Variants in PLK2 observed in about 807,000 individuals in gnomAD.
The protein encoded by PLK2 is serine/threonine-protein kinase PLK2.
PLK2 carries 25 observed loss-of-function variants against 78.1 expected under a neutral mutation model. The ratio of observed to expected loss-of-function variants is 0.32; its 90% CI spans 0.23 to 0.45. PLK2 has a LOEUF of 0.45. Among genes scored for constraint, PLK2 ranks in the 20% least tolerant of loss-of-function variants. The pLI is 1.00. For synonymous variants in PLK2, 332 were observed against 298.2 expected (o/e 1.11, Z -1.17); for missense variants, 566 against 840.2 (o/e 0.67, Z 4.04).
rs1579964675 is a variant in PLK2, at chr5:58,457,052, G to A, written c.1049C>T (p.Thr350Ile). 1 of 1,613,710 alleles carries A rather than the reference G, an allele frequency of 6.2e-7. No individual in the cohort carries two copies. The highest frequency in any genetic ancestry group is 1.3e-5 in the African/African-American group (1 of 75,000). ...GCTTGATAAGTGGAAATCTGGAACT[G>A]TATGACAACAGCTAGAAGACAGTCT... ...PDRLSSSCCH[T>I]VPDFHLSSPA... Residue 350 changes from threonine (T) to isoleucine (I), a missense_variant, in exon 8 of 14, where the codon ACA becomes ATA. This residue lies in a region of PLK2 where 179 missense variants were observed against 342.3 expected (regional missense o/e 0.52). Transcript: ENST00000274289.
At chr5:58,459,659 G>T (rs1015667132) in intron 1 of PLK2, 31 bp downstream of exon 1, 2 of 1,519,540 alleles carry the variant, frequency 1.3e-6, no homozygotes, top group Non-Finnish European at 1.8e-6. Flanking sequence ...CCTCCCGCCC[G>T]CCCGGCAGCC....
At position 58,457,521 on chromosome 5, in the gene PLK2, C is replaced by T; in HGVS notation, c.776G>A (p.Cys259Tyr). 3.1e-6 allele frequency: 5 copies of T among 1,613,280 alleles called. No homozygotes were observed. Among genetic ancestry groups the T allele is most frequent in the Non-Finnish European group, 4.2e-6 (5 of 1,179,186 alleles). ...GCCCAGGGCCCAAATGTCTGATTCA[C>T]AGCCATGTCCTTGTTTGTTGAGGAC... ...PEVLNKQGHG[C>Y]ESDIWALGCV... Residue 259 changes from cysteine (C) to tyrosine (Y), a missense_variant, in exon 6 of 14, where the codon TGT becomes TAT. By Grantham distance (194) the Cys-to-Tyr change is radical. This residue lies in a region of PLK2 where 179 missense variants were observed against 342.3 expected (regional missense o/e 0.52). Transcript: ENST00000274289.
chr5:58,457,711 G>A lies in PLK2; in HGVS notation c.714-128C>T, dbSNP rs1743647115. 1.3e-5 allele frequency: 8 copies of A among 630,276 alleles called. No individual in the cohort carries two copies. In the South Asian group the frequency reaches 1.5e-4, roughly 12 times the overall value. 39.0% of individuals were successfully genotyped at this position (630,276 alleles called of 1,614,324 possible). On this transcript the variant is annotated intron_variant, in intron 5 of 13. Transcript: ENST00000274289. ...TAAAATCTATACTGAATTTCTATTT[G>A]GAAACATTTGACTTTTGGCATCTGA...
rs1743701697 is a variant in PLK2, at chr5:58,459,633, G to T, written c.270+57C>A. 5 of 1,435,990 alleles carry T rather than the reference G, an allele frequency of 3.5e-6. No individual in the cohort carries two copies. The East Asian group carries it at 1.2e-4, about 35-fold the overall frequency. 89.0% of individuals were successfully genotyped at this position (1,435,990 alleles called of 1,614,324 possible). A position where few individuals can be genotyped will look rare whatever the true frequency, so the allele number is the denominator to read the frequency against. On this transcript the variant is annotated intron_variant, in intron 1 of 13. Transcript: ENST00000274289. The stretch of plus-strand genomic sequence containing the variant: ...GGACCCCGCGGGCTTGCCCGGCTTG[G>T]GGTCGCCCGGACAGACCTCCCGCCC...
In PLK2 at chr5:58,455,430, C is replaced by G. The variant is rs376952003; in HGVS notation, c.1626-16G>C. On this transcript the variant is annotated splice_polypyrimidine_tract_variant and intron_variant, in intron 11 of 13. Coordinates refer to ENST00000274289, the MANE Select transcript of PLK2 (RefSeq NM_006622.4). Reference sequence around the variant, plus strand: ...GTGAACTGTTCTATAAAAACAGGAACGAAAGGGAGAGAAGAGGAAAAAAAA... The same window carrying G: ...GTGAACTGTTCTATAAAAACAGGAAGGAAAGGGAGAGAAGAGGAAAAAAAA... 27 of 1,612,268 alleles carry G rather than the reference C, an allele frequency of 1.7e-5. 1 individual carries two copies. The South Asian group carries it at 3.0e-4, about 18-fold the overall frequency.
rs1171275494 is a variant in PLK2 at position 58,458,972 on chromosome 5, G to A, written c.378+13C>T. Reference sequence around the variant, plus strand: ...CACACAAAGAAAATACTTTACTCAAGAGTCATACGCACCTTTTCCCTTTGA... The same window carrying A: ...CACACAAAGAAAATACTTTACTCAAAAGTCATACGCACCTTTTCCCTTTGA... On this transcript the variant is annotated intron_variant, in intron 2 of 13. Coordinates refer to ENST00000274289, the MANE Select transcript of PLK2 (RefSeq NM_006622.4). The A allele has an allele frequency of 1.3e-6, 2 of 1,482,286 alleles. No individual in the cohort carries two copies. The highest frequency in any genetic ancestry group is 1.1e-5 in the South Asian group (1 of 88,296). 91.8% of individuals were successfully genotyped at this position (1,482,286 alleles called of 1,614,324 possible).
Position 58,457,203 on chromosome 5 carries a change from A to C in PLK2, c.986T>G (p.Ile329Ser). ...PEDRPSLDDIIRHDFFLQGFT... is the reference protein window; with the variant it reads ...PEDRPSLDDISRHDFFLQGFT... ...AACCTGCAAAAAAAAGTCATGTCGA[A>C]TGATGTCATCCAAACTGGGACGATC... The change falls in exon 7 of 14, where the codon ATT (isoleucine) becomes AGT (serine). Residue 329 changes from isoleucine (I) to serine (S), a missense_variant. By Grantham distance (142) the Ile-to-Ser change is moderately radical. Around this residue, in one of 5 missense-constraint regions of PLK2, gnomAD observed 179 missense variants for 342.3 expected, o/e 0.52. Coordinates refer to ENST00000274289, the MANE Select transcript of PLK2 (RefSeq NM_006622.4). The C allele has an allele frequency of 6.2e-7, 1 of 1,614,216 alleles. No individual in the cohort carries two copies. Among genetic ancestry groups the C allele is most frequent in the Non-Finnish European group, 8.5e-7 (1 of 1,180,046 alleles).
chr5:58,460,070 C>G lies in PLK2; in HGVS notation c.-111G>C. 1 of 1,278,092 alleles carries G rather than the reference C, an allele frequency of 7.8e-7. No individual in the cohort carries two copies. Among genetic ancestry groups the G allele is most frequent in the Non-Finnish European group, 1.1e-6 (1 of 938,720 alleles). 79.2% of individuals were successfully genotyped at this position (1,278,092 alleles called of 1,614,324 possible). Reference sequence around the variant, plus strand: ...CTCTGGTGCCGACTAGCACCCAACACCCCGGTCCACTTGTGCGAGTGAGAG... The same window carrying G: ...CTCTGGTGCCGACTAGCACCCAACAGCCCGGTCCACTTGTGCGAGTGAGAG... On this transcript the variant is annotated 5_prime_UTR_variant, in exon 1 of 14. Coordinates refer to ENST00000274289, the MANE Select transcript of PLK2 (RefSeq NM_006622.4).
intron 12 of PLK2, 53 bp downstream of exon 12, chr5:58,455,232 C>T: frequency 1.3e-6 from 2 of 1,595,588 alleles, no homozygotes; most frequent in Non-Finnish European, 8.6e-7. Flanking sequence ...GCAGACACTA[C>T]TGCTTTGTGG....
In PLK2 at chr5:58,454,332, T is replaced by C. The variant is rs1481646175; in HGVS notation, c.*251A>G. ...AGAATCAATGCACCTTTCTGCAAAA[T>C]TGTCTGAAAAACCTTTTAAAACAGG... is the stretch of plus-strand genomic sequence containing the variant. On this transcript the variant is annotated 3_prime_UTR_variant, in exon 14 of 14. Transcript: ENST00000274289. 3 of 366,682 alleles carry C rather than the reference T, an allele frequency of 8.2e-6. No homozygotes were observed. The highest frequency in any genetic ancestry group is 8.1e-5 in the East Asian group (2 of 24,816). The allele number at this position is 366,682 out of a possible 1,614,324, so 22.7% of individuals were successfully genotyped here. A position where few individuals can be genotyped will look rare whatever the true frequency, so the allele number is the denominator to read the frequency against.
In PLK2 at chr5:58,454,302, A is replaced by C; in HGVS notation, c.*281T>G. 3.4e-6 allele frequency: 1 copy of C among 294,724 alleles called. No individual in the cohort carries two copies. Among genetic ancestry groups the C allele is most frequent in the Non-Finnish European group, 6.3e-6 (1 of 158,104 alleles). 18.3% of individuals were successfully genotyped at this position (294,724 alleles called of 1,614,324 possible). On this transcript the variant is annotated 3_prime_UTR_variant, in exon 14 of 14. Transcript: ENST00000274289. ...GGCTGAAATGCTCTCAACAGAGAGA[A>C]TTTAAGAATCAATGCACCTTTCTGC...
At position 58,459,069 on chromosome 5, in the gene PLK2, C is replaced by T; in HGVS notation, c.294G>A (p.Glu98=). ...LGKGGFAKCY[E]MTDLTNNKVY... ...CTTTGTTATTTGTCAAATCTGTCATCTCGTAACATTTTGCAAAGCCACCCT... is the reference window on the plus strand; with the variant it reads ...CTTTGTTATTTGTCAAATCTGTCATTTCGTAACATTTTGCAAAGCCACCCT... The change falls in exon 2 of 14, where the codon GAG becomes GAA. Residue 98 remains glutamate, a synonymous_variant. Transcript: ENST00000274289. The T allele has an allele frequency of 6.2e-7, 1 of 1,611,662 alleles. No homozygotes were observed.
Position 58,457,099 on chromosome 5 carries a change from A to G in PLK2, c.1009-7T>C. The G allele has an allele frequency of 6.2e-7, 1 of 1,611,826 alleles. No individual in the cohort carries two copies. Among genetic ancestry groups the G allele is most frequent in the Non-Finnish European group, 8.5e-7 (1 of 1,179,208 alleles). ...GTCTGTCCGGAGTGAAGCCCTGTGG[A>G]ATATTAGAAAAAGCCTTCAGTAACC... On this transcript the variant is annotated splice_polypyrimidine_tract_variant and splice_region_variant and intron_variant, in intron 7 of 13. Coordinates refer to ENST00000274289, the MANE Select transcript of PLK2 (RefSeq NM_006622.4).
intron 4 of PLK2, 114 bp from the exon 5 acceptor site, chr5:58,458,285 A>G (rs749220911): frequency 3.6e-6 from 5 of 1,375,688 alleles, no homozygotes; most frequent in South Asian, 3.5e-5. Flanking sequence ...TCGCCCATTC[A>G]AAAGCAAGAT....
At chr5:58,455,838 G>A in intron 10 of PLK2, 59 bp from the exon 11 acceptor site, 1 of 1,589,964 alleles carries the variant, frequency 6.3e-7, no homozygotes, top group South Asian at 1.1e-5. Flanking sequence ...AAAACCTCAG[G>A]CTTTGGTAGA....
intron 9 of PLK2, 76 bp downstream of exon 9, chr5:58,456,416 A>T (rs750662221): frequency 7.8e-4 from 722 of 931,246 alleles, no homozygotes; most frequent in Non-Finnish European, 1.1e-3. Context: ...CATGATAATC[A>T]TAGTCCAAGT....
chr5:58,458,195 G>A (rs372545006), intron 4 of PLK2, 24 bp from the exon 5 acceptor site: 7 of 1,510,218 alleles, frequency 4.6e-6, no homozygotes, highest in African/African-American at 2.7e-5. Context: ...AAAACAAAAT[G>A]TGAATCCCTT....
chr5:58,458,691 A>G, intron 3 of PLK2, 34 bp downstream of exon 3: 8 of 1,290,912 alleles, frequency 6.2e-6, no homozygotes, highest in Non-Finnish European at 9.0e-6. Context: ...AATTCGGGGT[A>G]AGCAAATGTT....
At position 58,455,536 on chromosome 5, in the gene PLK2, T is replaced by C; in HGVS notation, c.1625+3A>G. On this transcript the variant is annotated splice_donor_region_variant and intron_variant, in intron 11 of 13. Coordinates refer to ENST00000274289, the MANE Select transcript of PLK2 (RefSeq NM_006622.4). ...ACAGGATTTCATTAATTGATACACT[T>C]ACTTTTTGTCTGGAAGGAGGCTCAT... The C allele has an allele frequency of 6.2e-7, 1 of 1,614,126 alleles. No individual in the cohort carries two copies. Among genetic ancestry groups the C allele is most frequent in the Non-Finnish European group, 8.5e-7 (1 of 1,179,970 alleles).
Sources: gnomAD v4.1 joint callset for allele counts on GRCh38, gnomAD v4.1.1 for gene constraint, gnomAD v4.1.1 regional missense constraint, MANE v1.5 for transcripts, NCBI Gene and HGNC (gene_info 2026-07-23, HGNC 2026-07-21) for gene names.